Variants in MTMR7 observed in about 807,000 individuals in gnomAD.
The protein encoded by MTMR7 is phosphatidylinositol-3-phosphate phosphatase MTMR7.
In MTMR7, 76 loss-of-function variants were observed where a neutral mutation model predicts 81.2. The observed-to-expected ratio is 0.94, with a 90% CI of 0.78 to 1.13. The LOEUF (loss-of-function observed/expected upper bound fraction) is 1.13. Ranked by LOEUF, MTMR7 falls within the 50% of genes most tolerant of loss-of-function variation. The probability of loss-of-function intolerance (pLI) is 0.00; values close to 1 mark genes in which losing one functional copy is unlikely to be tolerated. For missense variants in MTMR7, 1,044 were observed against 820.0 expected (o/e 1.27, Z -3.34); for synonymous variants, 372 against 289.8 (o/e 1.28, Z -2.88).
chr8:17,365,244 C>A (rs1440116721), intron 3 of MTMR7, among the ~76,000 whole-genome samples: 1 of 152,134 alleles, frequency 6.6e-6, no homozygotes, highest in Non-Finnish European at 1.5e-5. Context: ...GGTCCCTTGT[C>A]CTTTTCTTAA....
intron 7 of MTMR7, among the ~76,000 whole-genome samples, chr8:17,314,087 A>T (rs981518864): frequency 6.6e-6 from 1 of 152,220 alleles, no homozygotes; most frequent in African/African-American, 2.4e-5. Context: ...AAACACCTCT[A>T]TAATATTATA....
At chr8:17,394,504 T>C (rs1040307208) in intron 1 of MTMR7, among the ~76,000 whole-genome samples, 24 of 152,020 alleles carry the variant, frequency 1.6e-4, no homozygotes, top group Admixed American at 4.6e-4. Context: ...GATAGGCAAA[T>C]CTCTAGAGAT....
intron 6 of MTMR7, among the ~76,000 whole-genome samples, chr8:17,338,252 T>G (rs1438818006): frequency 1.3e-5 from 2 of 152,218 alleles, no homozygotes; most frequent in Non-Finnish European, 2.9e-5. Context: ...CACTTAGCAC[T>G]AAATATACCC....
intron 5 of MTMR7, among the ~76,000 whole-genome samples, chr8:17,342,658 G>A (rs1819438416): frequency 1.3e-5 from 2 of 152,144 alleles, no homozygotes; most frequent in South Asian, 2.1e-4. Context: ...CAGAATGGCT[G>A]GACATATTAC....
In MTMR7 at chr8:17,373,408, G is replaced by C. The variant is rs534062086; in HGVS notation, c.25-168C>G. 5.9e-5 allele frequency among the ~76,000 whole-genome samples: 9 copies of C among 152,246 alleles called. No individual in the cohort carries two copies. The East Asian group carries it at 1.7e-3, about 29-fold the overall frequency. ...CTTAAGTTAATCGGATCTCAGAGTA[G>C]GATTGTGTATATTAAAAGATGAACA... On this transcript the variant is annotated intron_variant, in intron 1 of 13. Transcript: ENST00000180173.
rs77645055 is a variant in MTMR7, at chr8:17,357,881, C to A, written c.468+3236G>T. Among the ~76,000 whole-genome samples the A allele has an allele frequency of 5.5e-3, 836 of 151,566 alleles. 7 individuals are homozygous for A. The highest frequency in any genetic ancestry group is 0.019 in the African/African-American group (775 of 41,096). Reference sequence around the variant, plus strand: ...AAGTCCTGTGTATGCCATAAGTGTGCCATAAGAAATAAATAACTTTTTTTC... The same window carrying A: ...AAGTCCTGTGTATGCCATAAGTGTGACATAAGAAATAAATAACTTTTTTTC... On this transcript the variant is annotated intron_variant, in intron 4 of 13. Coordinates refer to ENST00000180173, the MANE Select transcript of MTMR7 (RefSeq NM_004686.5).
chr8:17,343,577 T>C (rs1304462405), intron 5 of MTMR7, among the ~76,000 whole-genome samples: 1 of 152,214 alleles, frequency 6.6e-6, no homozygotes, highest in East Asian at 1.9e-4. Context: ...AGACACCAAC[T>C]ACAAAATGAA....
At chr8:17,346,512 G>A (rs1441244397) in intron 5 of MTMR7, among the ~76,000 whole-genome samples, 10 of 152,228 alleles carry the variant, frequency 6.6e-5, no homozygotes, top group South Asian at 4.1e-4. Flanking sequence ...GGGAGCAGGC[G>A]TGGAGCCATG....
Position 17,361,144 on chromosome 8 carries a change from C to A in MTMR7, c.441G>T (p.Gln147His). 1 of 1,614,180 alleles carries A rather than the reference C, an allele frequency of 6.2e-7. No homozygotes were observed. Among genetic ancestry groups the A allele is most frequent in the South Asian group, 1.1e-5 (1 of 91,088 alleles). ...TGTAGTCTCTATTCACATCGCTGAG[C>A]TGCCAGTAATGATTAGGGAGGCCCA... ...TRMGLPNHYWQLSDVNRDYRV... is the reference protein window; with the variant it reads ...TRMGLPNHYWHLSDVNRDYRV... The change falls in exon 4 of 14, where the codon CAG becomes CAT. Residue 147 changes from glutamine to histidine, a missense_variant. Transcript: ENST00000180173.
At chr8:17,413,194 C>G (rs1821784301) in intron 1 of MTMR7, 75 bp downstream of exon 1, 1 of 1,508,986 alleles carries the variant, frequency 6.6e-7, no homozygotes, top group South Asian at 1.2e-5. Context: ...AGTCGGCCTC[C>G]CGCGCGCTCA....
intron 1 of MTMR7, among the ~76,000 whole-genome samples, chr8:17,388,660 A>G (rs966485023): frequency 2.6e-5 from 4 of 152,194 alleles, no homozygotes; most frequent in Non-Finnish European, 5.9e-5. Flanking sequence ...TTTGGGAACT[A>G]TGGGGAAATA....
intron 1 of MTMR7, among the ~76,000 whole-genome samples, chr8:17,410,064 G>C (rs73666140): frequency 0.011 from 1,689 of 152,212 alleles, 26 homozygotes; most frequent in African/African-American, 0.039. Context: ...AGGAAACTTA[G>C]CAGGGAAGTA....
Position 17,341,540 on chromosome 8 carries a change from G to A in MTMR7, c.598-43C>T. 3 of 1,605,044 alleles carry A rather than the reference G, an allele frequency of 1.9e-6. No homozygotes were observed. The Middle Eastern group carries it at 5.1e-4, about 274-fold the overall frequency. ...AGCAACACAGCACCATCAGGTAACT[G>A]TACCCATGAGAGACACTCTACGTGT... On this transcript the variant is annotated intron_variant, in intron 5 of 13. Coordinates refer to ENST00000180173, the MANE Select transcript of MTMR7 (RefSeq NM_004686.5).
intron 10 of MTMR7, 123 bp from the exon 11 acceptor site, chr8:17,306,080 G>A (rs942964251): frequency 1.0e-5 from 8 of 765,840 alleles, no homozygotes; most frequent in Non-Finnish European, 1.6e-5. Context: ...TACAAACTTG[G>A]AATGACAAAA....
At chr8:17,340,599 TAAAAAC>T (rs1479648358) in intron 6 of MTMR7, among the ~76,000 whole-genome samples, 1 of 152,178 alleles carries the variant, frequency 6.6e-6, no homozygotes, top group Non-Finnish European at 1.5e-5. Flanking sequence ...TGATTCTCCT[TAAAAAC>T]AAAAAAGTTA....
At chr8:17,351,774 A>G (rs1372340726) in intron 4 of MTMR7, among the ~76,000 whole-genome samples, 1 of 152,258 alleles carries the variant, frequency 6.6e-6, no homozygotes, top group Non-Finnish European at 1.5e-5. Context: ...CTAAGAAGCT[A>G]GAATGCATTT....
chr8:17,398,236 A>C (rs997506984), intron 1 of MTMR7, among the ~76,000 whole-genome samples: 1 of 152,224 alleles, frequency 6.6e-6, no homozygotes, highest in Non-Finnish European at 1.5e-5. Context: ...AAACAGAGGT[A>C]TGTGACCCTT....
intron 7 of MTMR7, among the ~76,000 whole-genome samples, chr8:17,324,513 G>C (rs1007831352): frequency 2.0e-5 from 3 of 152,174 alleles, no homozygotes; most frequent in Admixed American, 2.0e-4. Context: ...TCTGCGCTTA[G>C]TGTTGGACGG....
chr8:17,410,717 C>T (rs1043897710), intron 1 of MTMR7, among the ~76,000 whole-genome samples: 2 of 152,206 alleles, frequency 1.3e-5, no homozygotes, highest in Non-Finnish European at 2.9e-5. Flanking sequence ...AGATTATGCA[C>T]GTGCATCTGT....
Sources: allele counts gnomAD v4.1 joint callset (sites outside exome capture counted in the v4.1 genomes callset), GRCh38; gene constraint gnomAD v4.1.1; transcripts MANE v1.5; gene names NCBI Gene and HGNC (gene_info 2026-07-23, HGNC 2026-07-21).